Variants in EYS observed in about 807,000 individuals in gnomAD.
EYS encodes EGF-like photoreceptor maintenance factor.
Under a neutral mutation model 282.1 loss-of-function variants are expected in EYS, and 250 were observed. That is an observed-to-expected ratio of 0.89 (90% confidence interval 0.80 to 0.98). The LOEUF (loss-of-function observed/expected upper bound fraction) is 0.98, where lower values mean the gene tolerates loss of function less well. Among genes scored for constraint, EYS ranks in the 50% least tolerant of loss-of-function variants. EYS has a pLI of 0.00. For missense variants in EYS, 4,016 were observed against 3,709.0 expected, an observed-to-expected ratio of 1.08 and a Z score of -2.15; for synonymous variants, 1,355 against 1,282.9, an observed-to-expected ratio of 1.06 and a Z score of -1.20.
rs1042740048 is a variant in EYS, at chr6:65,106,334, T to C, written c.2024-48607A>G. 1.2e-4 allele frequency among the ~76,000 whole-genome samples: 19 copies of C among 152,080 alleles called. 1 individual carries two copies. The highest frequency in any genetic ancestry group is 1.1e-3 in the Admixed American group (17 of 15,218). On this transcript the variant is annotated intron_variant, in intron 12 of 42. Coordinates refer to ENST00000503581, the MANE Select transcript of EYS (RefSeq NM_001142800.2). ...TTTTTTCTTTACTTGTAACTGAGGC[T>C]ATTTTAATTTCATGTAATGTGACAT... is the stretch of plus-strand genomic sequence containing the variant.
At chr6:63,938,234 G>A (rs545094418) in intron 35 of EYS, among the ~76,000 whole-genome samples, 2 of 152,304 alleles carry the variant, frequency 1.3e-5, no homozygotes, top group South Asian at 2.1e-4. Flanking sequence ...TGCTGGTCTC[G>A]TATGGTGATA....
chr6:63,783,280 G>GGTTGGCATCCAGGTGA (rs1423863658), intron 39 of EYS, among the ~76,000 whole-genome samples: 1 of 152,150 alleles, frequency 6.6e-6, no homozygotes, highest in East Asian at 1.9e-4. Context: ...GGGTGGTTAG[G>GGTTGGCATCCAGGTGA]GTTGGCATCC....
intron 12 of EYS, among the ~76,000 whole-genome samples, chr6:65,060,446 C>T (rs1420311610): frequency 1.3e-5 from 2 of 151,858 alleles, no homozygotes; most frequent in African/African-American, 4.8e-5. Flanking sequence ...AGGAGAAATA[C>T]AAATTTAGAG....
intron 12 of EYS, among the ~76,000 whole-genome samples, chr6:65,066,449 T>C (rs1773748817): frequency 6.6e-6 from 1 of 152,220 alleles, no homozygotes; most frequent in African/African-American, 2.4e-5. Context: ...TTTCCTATAA[T>C]GCTCAGTCTC....
At chr6:64,912,948 C>G (rs1396892835) in intron 15 of EYS, among the ~76,000 whole-genome samples, 1 of 151,992 alleles carries the variant, frequency 6.6e-6, no homozygotes, top group African/African-American at 2.4e-5. Context: ...ACCACCTTGG[C>G]TGAAATAAGA....
intron 2 of EYS, among the ~76,000 whole-genome samples, chr6:65,576,989 C>G (rs1285371600): frequency 6.6e-6 from 1 of 151,800 alleles, no homozygotes; most frequent in Non-Finnish European, 1.5e-5. Context: ...AATATCCATA[C>G]TACCCAAAGC....
intron 14 of EYS, among the ~76,000 whole-genome samples, chr6:64,992,146 TAAAC>T (rs1299264273): frequency 6.6e-6 from 1 of 152,012 alleles, no homozygotes; most frequent in Admixed American, 6.6e-5. Context: ...AAGAAACTGA[TAAAC>T]AAATTAAAAT....
chr6:64,442,386 A>G (rs2150469025), intron 26 of EYS, among the ~76,000 whole-genome samples: 1 of 152,324 alleles, frequency 6.6e-6, no homozygotes, highest in East Asian at 1.9e-4. Flanking sequence ...AAAGTTCAGA[A>G]AATTTGCACC....
At chr6:65,280,798 G>T (rs1408900734) in intron 12 of EYS, among the ~76,000 whole-genome samples, 1 of 150,514 alleles carries the variant, frequency 6.6e-6, no homozygotes, top group Non-Finnish European at 1.5e-5. Flanking sequence ...TGGGCGGATC[G>T]CCTGAGGTCA....
In EYS at chr6:65,118,539, G is replaced by A. The variant is rs887910104; in HGVS notation, c.2024-60812C>T. Among the ~76,000 whole-genome samples the A allele has an allele frequency of 3.9e-5, 6 of 152,262 alleles. 1 individual carries two copies. Among genetic ancestry groups the A allele is most frequent in the Middle Eastern group, 3.4e-3 (1 of 294 alleles). ...GAGCCCTTTGGCATCACATGTGTTT[G>A]CAGCTCGTCAAGCTGGCTGGATATC... On this transcript the variant is annotated intron_variant, in intron 12 of 42. Transcript: ENST00000503581.
chr6:65,389,686 C>T (rs185531449), intron 7 of EYS, among the ~76,000 whole-genome samples: 82 of 152,058 alleles, frequency 5.4e-4, no homozygotes, highest in Non-Finnish European at 1.0e-3. Flanking sequence ...AAGAAGAAAT[C>T]AAAGAGTAAT....
At chr6:64,134,585 A>T (rs1774097896) in intron 31 of EYS, among the ~76,000 whole-genome samples, 2 of 152,098 alleles carry the variant, frequency 1.3e-5, no homozygotes, top group Admixed American at 1.3e-4. Context: ...AGGGAAGTAT[A>T]ATTAAGAAGA....
intron 12 of EYS, among the ~76,000 whole-genome samples, chr6:65,151,696 T>C (rs1008178954): frequency 3.9e-5 from 6 of 152,026 alleles, no homozygotes; most frequent in Admixed American, 2.6e-4. Context: ...AACACATATA[T>C]ATGCATTTAA....
At chr6:64,702,689 G>T (rs1393899257) in intron 22 of EYS, among the ~76,000 whole-genome samples, 1 of 152,022 alleles carries the variant, frequency 6.6e-6, no homozygotes, top group East Asian at 1.9e-4. Context: ...AAGAATACAA[G>T]ATCAGAAAGG....
chr6:65,093,286 T>C (rs1429274022), intron 12 of EYS, among the ~76,000 whole-genome samples: 2 of 151,796 alleles, frequency 1.3e-5, no homozygotes, highest in Non-Finnish European at 2.9e-5. Flanking sequence ...TTACAAGAAA[T>C]GCTAAAAGGA....
chr6:64,405,211 C>T (rs956310515), intron 28 of EYS, among the ~76,000 whole-genome samples: 3 of 152,046 alleles, frequency 2.0e-5, no homozygotes, highest in Non-Finnish European at 2.9e-5. Flanking sequence ...AAAGTTATTG[C>T]TAAAAATGTA....
At chr6:65,663,341 C>T (rs1768072060) in intron 1 of EYS, among the ~76,000 whole-genome samples, 2 of 151,954 alleles carry the variant, frequency 1.3e-5, no homozygotes, top group South Asian at 4.2e-4. Flanking sequence ...TTGTTAGAGC[C>T]ATGAATTGGT....
At chr6:65,550,240 T>G (rs1768566783) in intron 2 of EYS, among the ~76,000 whole-genome samples, 1 of 12,686 alleles carries the variant, frequency 7.9e-5, no homozygotes, top group Non-Finnish European at 1.1e-4. Flanking sequence ...ACTATTCTAT[T>G]TTCTCCATGC....
chr6:63,728,500 C>CG (rs138531617), intron 41 of EYS, among the ~76,000 whole-genome samples: 1,796 of 152,286 alleles, frequency 0.012, 27 homozygotes, highest in African/African-American at 0.042. Context: ...CTTGTCTCAA[C>CG]ACATGCGCAG....
Sources: allele counts gnomAD v4.1 joint callset (sites outside exome capture counted in the v4.1 genomes callset), GRCh38; gene constraint gnomAD v4.1.1; transcripts MANE v1.5; gene names NCBI Gene and HGNC (gene_info 2026-07-23, HGNC 2026-07-21).